Variants in SHLD1 observed in about 807,000 individuals in gnomAD.
SHLD1 encodes RINN1-REV7-interacting novel NHEJ regulator 3.
A neutral mutation model predicts 5.5 loss-of-function variants in SHLD1; 3 were observed. The ratio of observed to expected loss-of-function variants is 0.54; its 90% CI spans 0.25 to 1.40. The LOEUF (loss-of-function observed/expected upper bound fraction) is 1.40, where lower values mean the gene tolerates loss of function less well. SHLD1 is among the 40% of genes most tolerant of loss of function. The pLI is 0.15. For missense variants in SHLD1, 210 were observed against 244.4 expected, an observed-to-expected ratio of 0.86 and a Z score of 0.94; for synonymous variants, 92 against 94.3, an observed-to-expected ratio of 0.98 and a Z score of 0.14.
chr20:5,805,054 A>G (rs1458333319), intron 2 of SHLD1, among the ~76,000 whole-genome samples: 1 of 152,248 alleles, frequency 6.6e-6, no homozygotes, highest in African/African-American at 2.4e-5. Flanking sequence ...ATCTTGGCCT[A>G]GGAGGGTTGT....
chr20:5,848,806 T>G (rs915095514), intron 2 of SHLD1, among the ~76,000 whole-genome samples: 2 of 152,238 alleles, frequency 1.3e-5, no homozygotes, highest in African/African-American at 4.8e-5. Flanking sequence ...GGCATTCATT[T>G]TATTCCTCCG....
chr20:5,784,044 A>G (rs796776034), intron 2 of SHLD1, among the ~76,000 whole-genome samples: 1 of 151,934 alleles, frequency 6.6e-6, no homozygotes, highest in Admixed American at 6.6e-5. Flanking sequence ...CCAGCTACTC[A>G]GGAGGCTGAG....
Position 5,762,969 on chromosome 20 carries a change from C to T in SHLD1, c.-4-9893C>T, listed in dbSNP as rs1264163680. ...ACCTGGTGACAGAGTGAGACTCCGT[C>T]TCAAAAAAAAAAAAAAAAAAAATAG... is the stretch of plus-strand genomic sequence containing the variant. On this transcript the variant is annotated intron_variant, in intron 1 of 2. Transcript: ENST00000303142. 1.5e-4 allele frequency among the ~76,000 whole-genome samples: 8 copies of T among 53,920 alleles called. No homozygotes were observed. In the East Asian group the frequency reaches 2.2e-3, roughly 15 times the overall value. The allele number at this position is 53,920 out of a possible 152,430, so 35.4% of individuals were successfully genotyped here.
chr20:5,797,704 TTGAC>T (rs2087232864), intron 2 of SHLD1, among the ~76,000 whole-genome samples: 1 of 152,224 alleles, frequency 6.6e-6, no homozygotes, highest in African/African-American at 2.4e-5. Flanking sequence ...CAAATCATAT[TTGAC>T]TGGAGACATG....
chr20:5,836,139 G>A (rs1600167017), intron 2 of SHLD1, among the ~76,000 whole-genome samples: 1 of 149,764 alleles, frequency 6.7e-6, no homozygotes, highest in East Asian at 2.0e-4. Flanking sequence ...AACATGAGCT[G>A]CTTCCTTTGG....
chr20:5,761,133 A>G (rs941964935), intron 1 of SHLD1, among the ~76,000 whole-genome samples: 4 of 152,148 alleles, frequency 2.6e-5, no homozygotes, highest in African/African-American at 9.7e-5. Flanking sequence ...GGAAGCCATC[A>G]TTCTCAGCAA....
At chr20:5,834,554 A>C (rs2087767812) in intron 2 of SHLD1, among the ~76,000 whole-genome samples, 1 of 152,160 alleles carries the variant, frequency 6.6e-6, no homozygotes, top group South Asian at 2.1e-4. Context: ...GAGTAATGGT[A>C]ATGAAAACAG....
At chr20:5,834,266 T>C (rs987696331) in intron 2 of SHLD1, among the ~76,000 whole-genome samples, 2 of 152,198 alleles carry the variant, frequency 1.3e-5, no homozygotes, top group African/African-American at 2.4e-5. Context: ...AGGAGTGGGT[T>C]CTCCTATCCT....
intron 2 of SHLD1, among the ~76,000 whole-genome samples, chr20:5,787,163 G>A (rs557687714): frequency 6.6e-6 from 1 of 152,280 alleles, no homozygotes; most frequent in South Asian, 2.1e-4. Flanking sequence ...AAACCTCCAG[G>A]GGGCCAAGGG....
intron 1 of SHLD1, among the ~76,000 whole-genome samples, chr20:5,760,010 A>ACG (rs397718755): frequency 6.9e-6 from 1 of 145,838 alleles, no homozygotes; most frequent in Non-Finnish European, 1.5e-5. Context: ...ACACACACAC[A>ACG]TATACATATA....
At chr20:5,800,110 C>T (rs956386287) in intron 2 of SHLD1, among the ~76,000 whole-genome samples, 16 of 152,156 alleles carry the variant, frequency 1.1e-4, no homozygotes, top group African/African-American at 3.9e-4. Context: ...GCATGTAGTG[C>T]ATAAAGGCCA....
At chr20:5,822,865 G>A (rs115472966) in intron 2 of SHLD1, among the ~76,000 whole-genome samples, 6,041 of 151,494 alleles carry the variant, frequency 0.04, 438 homozygotes, top group African/African-American at 0.14. Flanking sequence ...GTCCTGCCCT[G>A]TTTCTCTGTT....
chr20:5,804,322 G>A (rs1315710980), intron 2 of SHLD1, among the ~76,000 whole-genome samples: 2 of 143,092 alleles, frequency 1.4e-5, no homozygotes, highest in African/African-American at 5.4e-5. Context: ...TATAGTTACT[G>A]TAAGACATTT....
At chr20:5,756,149 A>G (rs1984084370) in intron 1 of SHLD1, among the ~76,000 whole-genome samples, 1 of 151,704 alleles carries the variant, frequency 6.6e-6, no homozygotes, top group Non-Finnish European at 1.5e-5. Context: ...CCTTTCCATC[A>G]TCGCCTGAAC....
chr20:5,846,722 C>T (rs1441197715), intron 2 of SHLD1, among the ~76,000 whole-genome samples: 3 of 152,150 alleles, frequency 2.0e-5, no homozygotes, highest in Non-Finnish European at 4.4e-5. Flanking sequence ...CACACGTGGA[C>T]GGGATCGGGG....
intron 2 of SHLD1, among the ~76,000 whole-genome samples, chr20:5,818,603 G>C (rs1219263662): frequency 6.6e-6 from 1 of 152,178 alleles, no homozygotes; most frequent in Non-Finnish European, 1.5e-5. Context: ...ATATGATCCA[G>C]GAACTCTTGG....
At chr20:5,764,668 C>T (rs1417891933) in intron 1 of SHLD1, among the ~76,000 whole-genome samples, 4 of 152,094 alleles carry the variant, frequency 2.6e-5, no homozygotes, top group Non-Finnish European at 5.9e-5. Flanking sequence ...CACTGCACTC[C>T]AGCCTGGGCA....
chr20:5,844,903 T>C (rs2087914436), intron 2 of SHLD1, among the ~76,000 whole-genome samples: 1 of 151,354 alleles, frequency 6.6e-6, no homozygotes, highest in African/African-American at 2.4e-5. Flanking sequence ...CAAATGATTC[T>C]TGTGCCTCAG....
intron 1 of SHLD1, among the ~76,000 whole-genome samples, chr20:5,758,946 G>C (rs1399845028): frequency 7.1e-6 from 1 of 141,488 alleles, no homozygotes; most frequent in African/African-American, 2.6e-5. Flanking sequence ...CATCTTTCTT[G>C]ACAAGTTTTT....
Sources: gnomAD v4.1 joint callset for allele counts (sites outside exome capture counted in the v4.1 genomes callset) on GRCh38, gnomAD v4.1.1 for gene constraint, MANE v1.5 for transcripts, NCBI Gene and HGNC (gene_info 2026-07-23, HGNC 2026-07-21) for gene names.